The following HAUS4 variants were observed in gnomAD, a reference collection of about 807,000 sequenced individuals.
The protein encoded by HAUS4 is HAUS augmin-like complex subunit 4.
A neutral mutation model predicts 50.6 loss-of-function variants in HAUS4; 34 were observed. The ratio of observed to expected loss-of-function variants is 0.67; its 90% confidence interval spans 0.51 to 0.90. HAUS4 has a LOEUF of 0.90. HAUS4 is among the 40% of genes least tolerant of loss of function. The pLI, the probability that HAUS4 is intolerant of heterozygous loss-of-function variation, is 0.00. For synonymous variants in HAUS4, 149 were observed against 161.4 expected, an observed-to-expected ratio of 0.92 and a Z score of 0.58; for missense variants, 370 against 428.7, an observed-to-expected ratio of 0.86 and a Z score of 1.21.
In HAUS4 at chr14:22,951,500, A is replaced by G. The variant is rs531012378; in HGVS notation, c.465+55T>C. The G allele has an allele frequency of 4.4e-5, 70 of 1,584,604 alleles. No homozygotes were observed. In the East Asian group the frequency reaches 1.2e-3, roughly 26 times the overall value. On this transcript the variant is annotated intron_variant, in intron 5 of 9. Coordinates refer to ENST00000541587, the MANE Select transcript of HAUS4 (RefSeq NM_001166269.2). ...GCTTGACAAAAAAAACATTTTAAAG[A>G]TATGGGAGAAATTAAACCATTTCAT...
intron 2 of HAUS4, among the ~76,000 whole-genome samples, chr14:22,953,262 A>G (rs1015776804): frequency 2.7e-5 from 4 of 150,120 alleles, no homozygotes; most frequent in Non-Finnish European, 5.9e-5. Context: ...CGATCCTTCC[A>G]CCTCCTGAGG....
chr14:22,956,368 A>T (rs2044863945), intron 1 of HAUS4, among the ~76,000 whole-genome samples: 1 of 152,202 alleles, frequency 6.6e-6, no homozygotes, highest in Admixed American at 6.5e-5. Context: ...CTACTTAGTT[A>T]AGTTCAGTGT....
At chr14:22,956,369 A>G (rs1197795136) in intron 1 of HAUS4, among the ~76,000 whole-genome samples, 1 of 152,238 alleles carries the variant, frequency 6.6e-6, no homozygotes, top group East Asian at 1.9e-4. Context: ...TACTTAGTTA[A>G]GTTCAGTGTT....
intron 5 of HAUS4, 33 bp from the exon 6 acceptor site, chr14:22,950,443 A>C (rs1397249687): frequency 7.4e-7 from 1 of 1,354,836 alleles, no homozygotes; most frequent in Admixed American, 1.7e-5. Context: ...AGAAATGCGA[A>C]TAGACTGTAA....
chr14:22,950,339 C>T lies in HAUS4; in HGVS notation c.537G>A (p.Leu179=). 1 of 1,610,020 alleles carries T rather than the reference C, an allele frequency of 6.2e-7. No individual in the cohort carries two copies. The highest frequency in any genetic ancestry group is 1.1e-5 in the South Asian group (1 of 91,024). Reference sequence around the variant, plus strand: ...CTGAATTGGGATCATAGTAGCAGAGCAGAGTGAAACATTTCTTTTTGAGCT... The same window carrying T: ...CTGAATTGGGATCATAGTAGCAGAGTAGAGTGAAACATTTCTTTTTGAGCT... ...EEQLKKKCFT[L]LCYYDPNSDA... is the part of the protein sequence containing the mutation. The change falls in exon 6 of 10, where the codon CTG becomes CTA. Residue 179 remains leucine, a synonymous_variant. Coordinates refer to ENST00000541587, the MANE Select transcript of HAUS4 (RefSeq NM_001166269.2).
intron 1 of HAUS4, among the ~76,000 whole-genome samples, chr14:22,955,949 G>A (rs1594552164): frequency 6.6e-6 from 1 of 152,114 alleles, no homozygotes; most frequent in Non-Finnish European, 1.5e-5. Context: ...GACCTCAGGA[G>A]ACAAAAATTT....
At chr14:22,949,528 CAAAAAAAAAA>C (rs5807198) in intron 6 of HAUS4, among the ~76,000 whole-genome samples, 2 of 75,334 alleles carry the variant, frequency 2.7e-5, no homozygotes, top group African/African-American at 5.0e-5. Flanking sequence ...GACTTCGTCT[CAAAAAAAAAA>C]AAAAAAAAAA....
chr14:22,947,474 G>T, intron 8 of HAUS4, 127 bp downstream of exon 8: 1 of 1,022,516 alleles, frequency 9.8e-7, no homozygotes, highest in Non-Finnish European at 1.4e-6. Context: ...AGCTAATACT[G>T]CTATGTGACA....
In HAUS4 at chr14:22,947,247, AG is replaced by A. The variant is rs774086223; in HGVS notation, c.840-9del. 1 of 1,589,256 alleles carries A rather than the reference AG, an allele frequency of 6.3e-7. No individual in the cohort carries two copies. Among genetic ancestry groups the A allele is most frequent in the Non-Finnish European group, 8.6e-7 (1 of 1,157,320 alleles). ...ATCTTTAGCTCCTCCATCCTGACAGAGGGAAGAAAGAAATGTCAAGGCAGGA... is the reference window on the plus strand; with the variant it reads ...ATCTTTAGCTCCTCCATCCTGACAGAGGAAGAAAGAAATGTCAAGGCAGGA... On this transcript the variant is annotated splice_polypyrimidine_tract_variant and intron_variant, in intron 8 of 9. Coordinates refer to ENST00000541587, the MANE Select transcript of HAUS4 (RefSeq NM_001166269.2).
intron 9 of HAUS4, 146 bp downstream of exon 9, chr14:22,947,025 C>A: frequency 1.5e-6 from 1 of 653,960 alleles, no homozygotes; most frequent in Non-Finnish European, 2.8e-6. Flanking sequence ...CTCAAGCGAG[C>A]TGCCCACCTC....
At chr14:22,953,949 G>T (rs2044810529) in intron 2 of HAUS4, among the ~76,000 whole-genome samples, 1 of 151,852 alleles carries the variant, frequency 6.6e-6, no homozygotes, top group Admixed American at 6.6e-5. Context: ...TGTATTTTTA[G>T]TAGGGACGGG....
chr14:22,954,115 T>C (rs1319515005), intron 2 of HAUS4, among the ~76,000 whole-genome samples: 5 of 152,202 alleles, frequency 3.3e-5, no homozygotes, highest in Non-Finnish European at 7.3e-5. Flanking sequence ...GTAACCCATG[T>C]AGATACAAAA....
At chr14:22,953,329 G>T (rs980107242) in intron 2 of HAUS4, among the ~76,000 whole-genome samples, 1 of 151,980 alleles carries the variant, frequency 6.6e-6, no homozygotes, top group Non-Finnish European at 1.5e-5. Flanking sequence ...TACAGACAGG[G>T]TCTCACTACA....
At chr14:22,953,025 TAG>T (rs1452147164) in intron 2 of HAUS4, among the ~76,000 whole-genome samples, 1 of 152,192 alleles carries the variant, frequency 6.6e-6, no homozygotes, top group African/African-American at 2.4e-5. Flanking sequence ...CCAAAATTAA[TAG>T]AGTTCTTGAA....
At chr14:22,950,528 T>C (rs982904593) in intron 5 of HAUS4, 118 bp from the exon 6 acceptor site, 1 of 588,970 alleles carries the variant, frequency 1.7e-6, no homozygotes, top group Middle Eastern at 2.6e-4. Context: ...TCAAGAGACA[T>C]CAGAGAGACT....
Position 22,946,647 on chromosome 14 carries a change from G to A in HAUS4, c.970C>T (p.Leu324=). 1 of 1,613,812 alleles carries A rather than the reference G, an allele frequency of 6.2e-7. No individual in the cohort carries two copies. Residue 324 remains leucine (L), a synonymous_variant, in exon 10 of 10, where the codon CTG becomes TTG. Transcript: ENST00000541587. The part of the protein sequence containing the change: ...EQDMENSRQV[L]NSYEVLGEEF... ...TCCCCAAGGACCTCATAGGAGTTCA[G>A]GACCTGTCTTGAGTTCTCCATGTCC... is the stretch of plus-strand genomic sequence containing the variant.
At chr14:22,955,337 T>A in intron 1 of HAUS4, 161 bp from the exon 2 acceptor site, 2 of 620,178 alleles carry the variant, frequency 3.2e-6, no homozygotes, top group Non-Finnish European at 5.8e-6. Context: ...GGTCCCAAGC[T>A]CTTACACAAG....
intron 2 of HAUS4, among the ~76,000 whole-genome samples, chr14:22,953,786 A>ATTTTTT (rs60021495): frequency 7.7e-6 from 1 of 129,972 alleles, no homozygotes; most frequent in Non-Finnish European, 1.7e-5. Flanking sequence ...ACGCCCAGCT[A>ATTTTTT]TTTTTTTTTT....
rs1188738559 is a variant in HAUS4 at position 22,952,563 on chromosome 14, G to A, written c.176C>T (p.Thr59Ile). 1 of 1,613,612 alleles carries A rather than the reference G, an allele frequency of 6.2e-7. No individual in the cohort carries two copies. The part of the protein sequence containing the change: ...QHVDESGLSL[T>I]LAKEQAQAWK... ...TACCTGAGCCTGCTCCTTTGCTAGG[G>A]TGAGGCTTAAGCCACTCTCATCCAC... Residue 59 changes from threonine to isoleucine, a missense_variant, in exon 3 of 10, where the codon ACC becomes ATC. By Grantham distance (89) the Thr-to-Ile change is moderately conservative. Transcript: ENST00000541587.
Sources: allele counts gnomAD v4.1 joint callset (sites outside exome capture counted in the v4.1 genomes callset), GRCh38; gene constraint gnomAD v4.1.1; transcripts MANE v1.5; gene names NCBI Gene and HGNC (gene_info 2026-07-23, HGNC 2026-07-21).